Variants in SPAG17 observed in about 807,000 individuals in gnomAD.
The protein encoded by SPAG17 is sperm-associated antigen 17.
Under a neutral mutation model 273.6 loss-of-function variants are expected in SPAG17, and 169 were observed. The observed-to-expected ratio is 0.62, with a 90% CI of 0.55 to 0.70. The LOEUF (loss-of-function observed/expected upper bound fraction) is 0.70, where lower values mean the gene tolerates loss of function less well. Ranked by LOEUF, SPAG17 falls within the 30% of genes least tolerant of loss-of-function variation. The pLI, the probability that SPAG17 is intolerant of heterozygous loss-of-function variation, is 0.00. For missense variants in SPAG17, 2,557 were observed against 2,627.8 expected, an observed-to-expected ratio of 0.97 and a Z score of 0.59; for synonymous variants, 825 against 873.2, an observed-to-expected ratio of 0.94 and a Z score of 0.97.
chr1:118,095,815 C>T (rs1289307037), intron 7 of SPAG17, among the ~76,000 whole-genome samples: 1 of 151,978 alleles, frequency 6.6e-6, no homozygotes, highest in African/African-American at 2.4e-5. Context: ...CATACTGACC[C>T]AAGGCAACAT....
chr1:118,068,165 T>A (rs968281451), intron 17 of SPAG17, among the ~76,000 whole-genome samples: 7 of 150,476 alleles, frequency 4.7e-5, no homozygotes, highest in Non-Finnish European at 1.0e-4. Context: ...TATATATATA[T>A]AACATAATAA....
At chr1:117,963,719 G>A in intron 48 of SPAG17, 80 bp downstream of exon 48, 1 of 1,341,272 alleles carries the variant, frequency 7.5e-7, no homozygotes, top group Non-Finnish European at 1.0e-6. Context: ...CTGACTATAA[G>A]AAGAGGGGAA....
In SPAG17 at chr1:118,092,006, G is replaced by T; in HGVS notation, c.1174-4C>A. ...CTGGTACAGCAGGTTGTGGAGCCTAGAAAAAGAATAATTAAAAAGAAACAA... is the reference window on the plus strand; with the variant it reads ...CTGGTACAGCAGGTTGTGGAGCCTATAAAAAGAATAATTAAAAAGAAACAA... On this transcript the variant is annotated splice_polypyrimidine_tract_variant and splice_region_variant and intron_variant, in intron 8 of 48. Coordinates refer to ENST00000336338, the MANE Select transcript of SPAG17 (RefSeq NM_206996.4). The T allele has an allele frequency of 6.2e-7, 1 of 1,612,954 alleles. No homozygotes were observed.
At chr1:118,057,962 C>G (rs1355115361) in intron 18 of SPAG17, among the ~76,000 whole-genome samples, 1 of 151,384 alleles carries the variant, frequency 6.6e-6, no homozygotes, top group Non-Finnish European at 1.5e-5. Context: ...GAATGTATAA[C>G]TTTTTAAAAA....
chr1:118,056,873 C>T (rs564458057), intron 18 of SPAG17, among the ~76,000 whole-genome samples: 2 of 152,320 alleles, frequency 1.3e-5, no homozygotes, highest in South Asian at 2.1e-4. Context: ...CAACCTGCAG[C>T]ATCCAAATTC....
intron 18 of SPAG17, among the ~76,000 whole-genome samples, chr1:118,062,775 C>T (rs143680441): frequency 1.5e-3 from 231 of 152,190 alleles, no homozygotes; most frequent in Non-Finnish European, 2.2e-3. Flanking sequence ...TACATCACTA[C>T]GGTCAGAAAT....
intron 3 of SPAG17, among the ~76,000 whole-genome samples, chr1:118,146,152 G>A (rs1451467240): frequency 6.6e-6 from 1 of 152,136 alleles, no homozygotes; most frequent in African/African-American, 2.4e-5. Context: ...AAGTGATAAT[G>A]TCAAACCTAA....
At chr1:118,151,138 C>A in intron 2 of SPAG17, 91 bp downstream of exon 2, 1 of 1,132,772 alleles carries the variant, frequency 8.8e-7, no homozygotes, top group Non-Finnish European at 1.1e-6. Context: ...ACAAAACAGC[C>A]CAAGAATATG....
intron 1 of SPAG17, among the ~76,000 whole-genome samples, chr1:118,169,914 T>C (rs1235995018): frequency 6.6e-6 from 1 of 152,196 alleles, no homozygotes; most frequent in Non-Finnish European, 1.5e-5. Flanking sequence ...ATGTGATTCC[T>C]CAACTAGAAG....
At chr1:118,141,563 G>C (rs984183034) in intron 3 of SPAG17, among the ~76,000 whole-genome samples, 1 of 152,162 alleles carries the variant, frequency 6.6e-6, no homozygotes, top group Admixed American at 6.5e-5. Flanking sequence ...TTTAATGAAT[G>C]AGAACTCCCT....
At position 117,979,109 on chromosome 1, in the gene SPAG17, T is replaced by C. The variant is rs948380718; in HGVS notation, c.6004+2161A>G. Among the ~76,000 whole-genome samples the C allele has an allele frequency of 1.6e-4, 25 of 152,236 alleles. No individual in the cohort carries two copies. In the East Asian group the frequency reaches 2.7e-3, roughly 16 times the overall value. Reference sequence around the variant, plus strand: ...GTCTCAAACTCTTGACCTCAGGTGATCCACCCGCCTCAGCCTTCCAAAGTG... The same window carrying C: ...GTCTCAAACTCTTGACCTCAGGTGACCCACCCGCCTCAGCCTTCCAAAGTG... On this transcript the variant is annotated intron_variant, in intron 43 of 48. Coordinates refer to ENST00000336338, the MANE Select transcript of SPAG17 (RefSeq NM_206996.4).
intron 1 of SPAG17, among the ~76,000 whole-genome samples, chr1:118,176,427 TA>T (rs1660701538): frequency 6.6e-6 from 1 of 152,144 alleles, no homozygotes; most frequent in South Asian, 2.1e-4. Context: ...TTATATCAGG[TA>T]AAATACATTA....
At chr1:118,016,358 T>C (rs922494814) in intron 28 of SPAG17, among the ~76,000 whole-genome samples, 176 bp from the exon 29 acceptor site, 6 of 152,226 alleles carry the variant, frequency 3.9e-5, no homozygotes, top group Non-Finnish European at 7.3e-5. Flanking sequence ...AGGTTATGAA[T>C]AGCGTAATTT....
At chr1:117,990,457 T>A (rs1024670515) in intron 38 of SPAG17, among the ~76,000 whole-genome samples, 5 of 152,234 alleles carry the variant, frequency 3.3e-5, no homozygotes, top group African/African-American at 1.2e-4. Flanking sequence ...TTGCACTACA[T>A]ACAGTGTAAA....
At chr1:117,988,441 A>T (rs999443588) in intron 38 of SPAG17, among the ~76,000 whole-genome samples, 2 of 152,206 alleles carry the variant, frequency 1.3e-5, no homozygotes, top group South Asian at 2.1e-4. Flanking sequence ...GTGATATCTC[A>T]TTTATCCCAT....
At chr1:118,128,515 G>A (rs192619313) in intron 3 of SPAG17, among the ~76,000 whole-genome samples, 10 of 152,180 alleles carry the variant, frequency 6.6e-5, no homozygotes, top group South Asian at 2.1e-4. Flanking sequence ...TCCCTGCTTC[G>A]TAGAAATGAC....
chr1:118,023,220 T>TATA (rs894215647), intron 28 of SPAG17, 84 bp downstream of exon 28: 3 of 948,486 alleles, frequency 3.2e-6, no homozygotes, highest in African/African-American at 1.7e-5. Flanking sequence ...TTGCAAGTAT[T>TATA]ATAATAATAA....
chr1:118,060,433 C>T (rs1456000564), intron 18 of SPAG17, among the ~76,000 whole-genome samples: 5 of 152,086 alleles, frequency 3.3e-5, no homozygotes, highest in Admixed American at 2.6e-4. Context: ...TCCTTCCCAA[C>T]ATTTTACGTT....
Position 118,053,362 on chromosome 1 carries a change from G to T in SPAG17, c.2814+640C>A, listed in dbSNP as rs375350990. Among the ~76,000 whole-genome samples the T allele has an allele frequency of 1.1e-4, 16 of 152,052 alleles. No individual in the cohort carries two copies. In the East Asian group the frequency reaches 2.9e-3, roughly 28 times the overall value. The stretch of plus-strand genomic sequence containing the variant: ...TGGCTCTTGCTTACCTAATATTAAA[G>T]CTTACAACAAAGCTATCATAATTAA... On this transcript the variant is annotated intron_variant, in intron 20 of 48. Coordinates refer to ENST00000336338, the MANE Select transcript of SPAG17 (RefSeq NM_206996.4).
Sources: allele counts gnomAD v4.1 joint callset (sites outside exome capture counted in the v4.1 genomes callset), GRCh38; gene constraint gnomAD v4.1.1; transcripts MANE v1.5; gene names NCBI Gene and HGNC (gene_info 2026-07-23, HGNC 2026-07-21).